Variants in CACNA1G observed in about 807,000 individuals in gnomAD.
CACNA1G encodes the protein calcium voltage-gated channel subunit alpha1 G, also known as voltage-dependent T-type calcium channel subunit alpha-1G.
A neutral mutation model predicts 219.4 loss-of-function variants in CACNA1G; 67 were observed. That is an observed-to-expected ratio of 0.31 (90% confidence interval 0.25 to 0.37). The LOEUF (loss-of-function observed/expected upper bound fraction) is 0.37, where lower values mean the gene tolerates loss of function less well. CACNA1G is among the 10% of genes least tolerant of loss of function. CACNA1G has a pLI of 1.00. For synonymous variants in CACNA1G, 1,296 were observed against 1,345.3 expected (o/e 0.96, Z 0.80); for missense variants, 2,380 against 3,231.4 (o/e 0.74, Z 6.39).
At chr17:50,611,576 G>A (rs1304026006) in intron 26 of CACNA1G, among the ~76,000 whole-genome samples, 1 of 152,220 alleles carries the variant, frequency 6.6e-6, no homozygotes, top group African/African-American at 2.4e-5. Flanking sequence ...GCTGGTTTGT[G>A]TCTGGATTGC....
At chr17:50,562,126 G>C (rs2035942911) in intron 1 of CACNA1G, 1 of 150,620 alleles carries the variant, frequency 6.6e-6, no homozygotes, top group Non-Finnish European at 1.5e-5. Flanking sequence ...AGTTTGGTGG[G>C]GGGTGGGTGG....
intron 8 of CACNA1G, among the ~76,000 whole-genome samples, chr17:50,576,912 T>C (rs998511723): frequency 4.6e-5 from 7 of 152,344 alleles, no homozygotes; most frequent in Middle Eastern, 3.4e-3. Context: ...AGGGAGCTGC[T>C]TGTCTGATGG....
Position 50,594,003 on chromosome 17 carries a change from G to T in CACNA1G, c.2911-990G>T, listed in dbSNP as rs118015880. Among the ~76,000 whole-genome samples, 1,178 of 152,348 alleles carry T rather than the reference G, an allele frequency of 7.7e-3. 9 individuals are homozygous for T. Among genetic ancestry groups the T allele is most frequent in the South Asian group, 0.014 (69 of 4,828 alleles). On this transcript the variant is annotated intron_variant, in intron 13 of 37. Coordinates refer to ENST00000359106, the MANE Select transcript of CACNA1G (RefSeq NM_018896.5). ...CAGGGGAGTCTGGTTTTGCTGTTGT[G>T]GTGGCCTGGGATTTTTGTTTTTATT...
intron 22 of CACNA1G, among the ~76,000 whole-genome samples, chr17:50,605,689 C>G (rs188884728): frequency 6.6e-6 from 1 of 152,200 alleles, no homozygotes; most frequent in Non-Finnish European, 1.5e-5. Context: ...CTGCCCGCCC[C>G]GATTACCTTT....
intron 13 of CACNA1G, 28 bp downstream of exon 13, chr17:50,592,120 C>G (rs774644729): frequency 3.0e-5 from 47 of 1,584,552 alleles, no homozygotes; most frequent in Non-Finnish European, 4.0e-5. Context: ...CCACCTCACC[C>G]TGCCCACAGC....
chr17:50,610,588 C>CCT lies in CACNA1G; in HGVS notation c.4759+657_4759+658dup, dbSNP rs549720415. Among the ~76,000 whole-genome samples the CCT allele has an allele frequency of 6.4e-4, 97 of 152,218 alleles. No homozygotes were observed. In the East Asian group the frequency reaches 7.3e-3, roughly 12 times the overall value. On this transcript the variant is annotated intron_variant, in intron 26 of 37. Transcript: ENST00000359106. ...CCATGGTCCCTCGGTCCCCTGCTCT[C>CCT]CTCTCCCCCACTGGCCCCCAGATGG...
chr17:50,587,529 TA>T (rs1368775019), intron 9 of CACNA1G, among the ~76,000 whole-genome samples: 1 of 152,232 alleles, frequency 6.6e-6, no homozygotes, highest in Non-Finnish European at 1.5e-5. Flanking sequence ...TCCAATTTAG[TA>T]ACTTGGACAG....
At chr17:50,619,495 C>T (rs1012621226) in intron 33 of CACNA1G, among the ~76,000 whole-genome samples, 188 bp from the exon 34 acceptor site, 1 of 147,240 alleles carries the variant, frequency 6.8e-6, no homozygotes, top group African/African-American at 2.5e-5. Flanking sequence ...CTTCCCCACC[C>T]CCTCCTCTTT....
intron 24 of CACNA1G, 169 bp from the exon 25 acceptor site, chr17:50,607,658 C>T: frequency 1.7e-6 from 1 of 601,438 alleles, no homozygotes; most frequent in Admixed American, 2.8e-5. Flanking sequence ...CCCTTTACCA[C>T]AGTCCCCGCC....
In CACNA1G at chr17:50,568,940, G is replaced by A. The variant is rs1006719185; in HGVS notation, c.313G>A (p.Glu105Lys). 3 of 1,612,898 alleles carry A rather than the reference G, an allele frequency of 1.9e-6. No individual in the cohort carries two copies. Among genetic ancestry groups the A allele is most frequent in the Non-Finnish European group, 2.5e-6 (3 of 1,179,850 alleles). Residue 105 changes from glutamate (E) to lysine (K), a missense_variant, in exon 2 of 38, where the codon GAG becomes AAG. Around this residue, in one of 17 missense-constraint regions of CACNA1G, gnomAD observed 64 missense variants for 103.7 expected, o/e 0.62. Coordinates refer to ENST00000359106, the MANE Select transcript of CACNA1G (RefSeq NM_018896.5). ...GACCCTGGGCATGTTCCGGCCATGC[G>A]AGGACATCGCCTGTGACTCCCAGCG... ...CVTLGMFRPC[E>K]DIACDSQRCR...
At chr17:50,567,146 C>A (rs1044954032) in intron 1 of CACNA1G, among the ~76,000 whole-genome samples, 3 of 152,242 alleles carry the variant, frequency 2.0e-5, no homozygotes, top group African/African-American at 7.2e-5. Flanking sequence ...AGATCCACTG[C>A]ACTCCGGCTC....
chr17:50,622,506 G>A (rs1205947441), intron 35 of CACNA1G, among the ~76,000 whole-genome samples: 1 of 152,106 alleles, frequency 6.6e-6, no homozygotes, highest in African/African-American at 2.4e-5. Flanking sequence ...GTGTCCCTAG[G>A]GGTCTTGGGT....
In CACNA1G at chr17:50,596,050, C is replaced by T. The variant is rs1475073364; in HGVS notation, c.2980-512C>T. On this transcript the variant is annotated intron_variant, in intron 14 of 37. Transcript: ENST00000359106. This position sits in a 1 kb window ranked among gnomAD's most constrained non-coding sequence, Gnocchi z 4.8. Reference sequence around the variant, plus strand: ...CTTGGGGAAGATGAAGGGAAGACACCGAGGGACTGAAGTGGCGTCCTCGGG... The same window carrying T: ...CTTGGGGAAGATGAAGGGAAGACACTGAGGGACTGAAGTGGCGTCCTCGGG... Among the ~76,000 whole-genome samples, 4 of 152,076 alleles carry T rather than the reference C, an allele frequency of 2.6e-5. No homozygotes were observed. Among genetic ancestry groups the T allele is most frequent in the African/African-American group, 4.8e-5 (2 of 41,386 alleles).
At chr17:50,588,492 G>T (rs961109313) in intron 9 of CACNA1G, among the ~76,000 whole-genome samples, 2 of 152,292 alleles carry the variant, frequency 1.3e-5, no homozygotes, top group Middle Eastern at 3.4e-3. Flanking sequence ...GTACAGAGTG[G>T]GGGGATCCAC....
chr17:50,588,314 G>A (rs1548531), intron 9 of CACNA1G, among the ~76,000 whole-genome samples: 49,972 of 151,506 alleles, frequency 0.33, 10,699 homozygotes, highest in East Asian at 0.89. Flanking sequence ...TCAGAGGGAT[G>A]TGGGATTGGG....
Position 50,591,857 on chromosome 17 carries a change from C to T in CACNA1G, c.2754+4C>T, listed in dbSNP as rs113760990. The T allele has an allele frequency of 1.8e-4, 287 of 1,613,706 alleles. 2 individuals are homozygous for T. The highest frequency in any genetic ancestry group is 3.7e-4 in the African/African-American group (28 of 75,030). On this transcript the variant is annotated splice_donor_region_variant and intron_variant, in intron 12 of 37. Transcript: ENST00000359106. ...GGCCATCGTCACTGTCTTTCAGGTGCGAGGGTAACAGGGCAGGGCGTGGAC... is the reference window on the plus strand; with the variant it reads ...GGCCATCGTCACTGTCTTTCAGGTGTGAGGGTAACAGGGCAGGGCGTGGAC...
chr17:50,572,596 C>T lies in CACNA1G; in HGVS notation c.789C>T (p.Asn263=), dbSNP rs758271396. ...TGGAGCGCTATTACCAGACAGAGAA[C>T]GAGGATGAGAGCCCCTTCATCTGCT... ...VDLERYYQTE[N]EDESPFICSQ... The change falls in exon 6 of 38, where the codon AAC becomes AAT. Residue 263 remains asparagine (N), a synonymous_variant. Transcript: ENST00000359106. 3.1e-5 allele frequency: 49 copies of T among 1,584,650 alleles called. No individual in the cohort carries two copies. The highest frequency in any genetic ancestry group is 1.5e-4 in the African/African-American group (11 of 74,302).
At position 50,575,768 on chromosome 17, in the gene CACNA1G, C is replaced by T. The variant is rs752212768; in HGVS notation, c.1366C>T (p.Arg456Trp). ...KAARRLAQVS[R>W]AAGVRVGLLS... ...AGCCCGCAGGCTGGCTCAGGTCTCT[C>T]GGGCAGCAGGTGTGCGGGTTGGGCT... Residue 456 changes from arginine to tryptophan, a missense_variant, in exon 8 of 38, where the codon CGG becomes TGG. Arg to Trp is a moderately radical substitution (Grantham distance 101). This residue lies in a region of CACNA1G where 434 missense variants were observed against 417.3 expected (regional missense o/e 1.04). Transcript: ENST00000359106. 16 of 1,559,642 alleles carry T rather than the reference C, an allele frequency of 1.0e-5. No individual in the cohort carries two copies. The highest frequency in any genetic ancestry group is 1.3e-5 in the Non-Finnish European group (15 of 1,152,140).
Position 50,626,758 on chromosome 17 carries a change from C to A in CACNA1G, c.*7C>A. 2 of 1,613,058 alleles carry A rather than the reference C, an allele frequency of 1.2e-6. No homozygotes were observed. Among genetic ancestry groups the A allele is most frequent in the Middle Eastern group, 3.3e-4 (2 of 6,062 alleles). On this transcript the variant is annotated 3_prime_UTR_variant, in exon 38 of 38. Coordinates refer to ENST00000359106, the MANE Select transcript of CACNA1G (RefSeq NM_018896.5). The surrounding 1 kb of genome is among the most constrained non-coding windows in gnomAD (Gnocchi z 4.3). ...AGCAGACCTGGACCCCTGAGTCCTG[C>A]CCCACTTTCCCACTCACCTTTCTCC... is the stretch of plus-strand genomic sequence containing the variant.
Sources: gnomAD v4.1 joint callset for allele counts (sites outside exome capture counted in the v4.1 genomes callset) on GRCh38, gnomAD v4.1.1 for gene constraint, gnomAD v4.1.1 regional missense constraint, Gnocchi (gnomAD v3.1) non-coding constraint, MANE v1.5 for transcripts, NCBI Gene and HGNC (gene_info 2026-07-23, HGNC 2026-07-21) for gene names.